TIE1: variants seen among roughly 807,000 people sequenced by gnomAD.
The protein encoded by TIE1 is tyrosine kinase with immunoglobulin like and EGF like domains 1.
Under a neutral mutation model 130.5 loss-of-function variants are expected in TIE1, and 89 were observed. The ratio of observed to expected loss-of-function variants is 0.68; its 90% confidence interval spans 0.57 to 0.81. The LOEUF (loss-of-function observed/expected upper bound fraction) is 0.81, where lower values mean the gene tolerates loss of function less well. TIE1 is among the 40% of genes least tolerant of loss of function. The probability of loss-of-function intolerance (pLI) is 0.00; values close to 1 mark genes in which losing one functional copy is unlikely to be tolerated. For missense variants in TIE1, 1,392 were observed against 1,559.8 expected, an observed-to-expected ratio of 0.89 and a Z score of 1.81; for synonymous variants, 568 against 629.4, an observed-to-expected ratio of 0.90 and a Z score of 1.46.
chr1:43,301,596 G>A (rs1646670574), intron 1 of TIE1, among the ~76,000 whole-genome samples: 1 of 152,236 alleles, frequency 6.6e-6, no homozygotes, highest in South Asian at 2.1e-4. Flanking sequence ...AATTTGCCGG[G>A]TGTGGTGGCT....
chr1:43,309,495 C>A lies in TIE1; in HGVS notation c.1296C>A (p.Gly432=). The A allele has an allele frequency of 6.2e-7, 1 of 1,602,544 alleles. No homozygotes were observed. The highest frequency in any genetic ancestry group is 8.5e-7 in the Non-Finnish European group (1 of 1,176,074). ...GGGAGTGCCGTGTGTCCACATCTGG[C>A]GGCCAAGACAGCCGGCGCTTCAAGG... is the stretch of plus-strand genomic sequence containing the variant. ...GFWECRVSTS[G]GQDSRRFKVN... The change falls in exon 9 of 23, where the codon GGC becomes GGA. Residue 432 remains glycine (G), a synonymous_variant. Transcript: ENST00000372476. This position sits in a 1 kb window ranked among gnomAD's most constrained non-coding sequence, Gnocchi z 6.3.
chr1:43,318,186 T>A lies in TIE1; in HGVS notation c.2922+114T>A. The A allele has an allele frequency of 7.5e-7, 1 of 1,336,028 alleles. No homozygotes were observed. Among genetic ancestry groups the A allele is most frequent in the Non-Finnish European group, 1.0e-6 (1 of 999,924 alleles). 82.8% of individuals were successfully genotyped at this position (1,336,028 alleles called of 1,614,324 possible). A position where few individuals can be genotyped will look rare whatever the true frequency, so the allele number is the denominator to read the frequency against. On this transcript the variant is annotated intron_variant, in intron 17 of 22. Transcript: ENST00000372476. The surrounding 1 kb of genome is among the most constrained non-coding windows in gnomAD (Gnocchi z 4.4). ...TGGGGATTGAGGTTCCTGGCCCAAG[T>A]GTGTGGGTGGGTGCAAGCACAGCGA...
Position 43,311,710 on chromosome 1 carries a change from A to C in TIE1, c.1373A>C (p.Lys458Thr). The change falls in exon 10 of 23, where the codon AAG (lysine) becomes ACG (threonine). Residue 458 changes from lysine to threonine, a missense_variant. Physicochemically the swap from Lys to Thr is moderately conservative, Grantham distance 78. Coordinates refer to ENST00000372476, the MANE Select transcript of TIE1 (RefSeq NM_005424.5). ...CTGGCTGCACCTCGGCTCCTGACCAAGCAGAGCCGCCAGCTTGTGGTCTCC... is the reference window on the plus strand; with the variant it reads ...CTGGCTGCACCTCGGCTCCTGACCACGCAGAGCCGCCAGCTTGTGGTCTCC... Reference protein sequence around the residue: ...VPLAAPRLLTKQSRQLVVSPL... With the variant: ...VPLAAPRLLTTQSRQLVVSPL... The C allele has an allele frequency of 6.2e-7, 1 of 1,613,980 alleles. No individual in the cohort carries two copies. The highest frequency in any genetic ancestry group is 1.1e-5 in the South Asian group (1 of 91,068).
chr1:43,321,537 G>T, intron 21 of TIE1, 45 bp downstream of exon 21: 1 of 1,575,966 alleles, frequency 6.3e-7, no homozygotes, highest in East Asian at 2.3e-5. Flanking sequence ...TCTCTGTGAT[G>T]AGTGACCTCA....
rs977176452 is a variant in TIE1, at chr1:43,319,086, T to A, written c.2923-149T>A. 4.7e-6 allele frequency: 3 copies of A among 632,296 alleles called. No homozygotes were observed. The highest frequency in any genetic ancestry group is 8.6e-6 in the Non-Finnish European group (3 of 349,712). 39.2% of individuals were successfully genotyped at this position (632,296 alleles called of 1,614,324 possible). On this transcript the variant is annotated intron_variant, in intron 17 of 22. Coordinates refer to ENST00000372476, the MANE Select transcript of TIE1 (RefSeq NM_005424.5). This position sits in a 1 kb window ranked among gnomAD's most constrained non-coding sequence, Gnocchi z 4.7. ...AGCCAACACTGATCTTTCTCAGATA[T>A]GAGTCAGCTGACGAGATTGCAGCCA...
rs956499426 is a variant in TIE1 at position 43,318,085 on chromosome 1, G to C, written c.2922+13G>C. On this transcript the variant is annotated intron_variant, in intron 17 of 22. Coordinates refer to ENST00000372476, the MANE Select transcript of TIE1 (RefSeq NM_005424.5). This position sits in a 1 kb window ranked among gnomAD's most constrained non-coding sequence, Gnocchi z 4.4. ...GAGTGAGAAGCAGGTGTGTGTGAGT[G>C]GGGGCGGGTGGAGGCCAGAGGGGGA... is the stretch of plus-strand genomic sequence containing the variant. 6.6e-7 allele frequency: 1 copy of C among 1,525,554 alleles called. No individual in the cohort carries two copies. The highest frequency in any genetic ancestry group is 1.4e-5 in the African/African-American group (1 of 72,166). The allele number at this position is 1,525,554 out of a possible 1,614,324, so 94.5% of individuals were successfully genotyped here.
At position 43,319,153 on chromosome 1, in the gene TIE1, C is replaced by A; in HGVS notation, c.2923-82C>A. ...GGGTATTGAAGGTAACAAGGGTACC[C>A]ACGAAGACTGACTCCTTACTGGCCT... is the stretch of plus-strand genomic sequence containing the variant. On this transcript the variant is annotated intron_variant, in intron 17 of 22. Transcript: ENST00000372476. The surrounding 1 kb of genome is among the most constrained non-coding windows in gnomAD (Gnocchi z 4.7). The A allele has an allele frequency of 1.0e-6, 1 of 981,504 alleles. No homozygotes were observed. The highest frequency in any genetic ancestry group is 1.6e-6 in the Non-Finnish European group (1 of 606,942). 60.8% of individuals were successfully genotyped at this position (981,504 alleles called of 1,614,324 possible).
At position 43,321,414 on chromosome 1, in the gene TIE1, G is replaced by A; in HGVS notation, c.3167G>A (p.Gly1056Asp). 6.2e-7 allele frequency: 1 copy of A among 1,614,014 alleles called. No homozygotes were observed. Among genetic ancestry groups the A allele is most frequent in the Non-Finnish European group, 8.5e-7 (1 of 1,179,962 alleles). Residue 1056 changes from glycine to aspartate, a missense_variant, in exon 21 of 23, where the codon GGC becomes GAC. Gly to Asp is a moderately conservative substitution (Grantham distance 94, BLOSUM62 -1). Transcript: ENST00000372476. ...CCTGCAGGAGGTACACCCTACTGTG[G>A]CATGACCTGTGCCGAGCTCTATGAA... ...IVSLGGTPYC[G>D]MTCAELYEKL...
At position 43,318,039 on chromosome 1, in the gene TIE1, G is replaced by A. The variant is rs753080127; in HGVS notation, c.2889G>A (p.Ala963=). 10 of 1,577,548 alleles carry A rather than the reference G, an allele frequency of 6.3e-6. No individual in the cohort carries two copies. In the Admixed American group the frequency reaches 1.1e-4, roughly 17 times the overall value. The change falls in exon 17 of 23, where the codon GCG becomes GCA. Residue 963 remains alanine (A), a synonymous_variant. Coordinates refer to ENST00000372476, the MANE Select transcript of TIE1 (RefSeq NM_005424.5). This position sits in a 1 kb window ranked among gnomAD's most constrained non-coding sequence, Gnocchi z 4.4. ...AGCTGCTGCGTTTCGCCAGTGATGC[G>A]GCCAATGGCATGCAGTACCTGAGTG... ...SRQLLRFASD[A]ANGMQYLSEK...
At chr1:43,308,091 G>C (rs1646749451) in intron 7 of TIE1, among the ~76,000 whole-genome samples, 167 bp downstream of exon 7, 1 of 152,192 alleles carries the variant, frequency 6.6e-6, no homozygotes, top group African/African-American at 2.4e-5. Context: ...GAGTCAGTCT[G>C]GTAGGGAGTC....
rs774018860 is a variant in TIE1, at chr1:43,316,296, G to A, written c.2410-903G>A. Among the ~76,000 whole-genome samples the A allele has an allele frequency of 2.0e-5, 3 of 152,152 alleles. No homozygotes were observed. The highest frequency in any genetic ancestry group is 4.4e-5 in the Non-Finnish European group (3 of 68,038). ...ATATGGTGCTGCCCAAGAACATCAC[G>A]TGCATTTGCTATGTGCCGTCAGCAC... is the stretch of plus-strand genomic sequence containing the variant. On this transcript the variant is annotated intron_variant, in intron 14 of 22. Transcript: ENST00000372476. This position sits in a 1 kb window ranked among gnomAD's most constrained non-coding sequence, Gnocchi z 4.4.
Position 43,312,309 on chromosome 1 carries a change from T to C in TIE1, c.1635T>C (p.Pro545=). The stretch of plus-strand genomic sequence containing the variant: ...ACCCCTGACCTCTGGCCCCAGAGCC[T>C]TTGTTGCAGCCGTGGTTGGAGGGCT... ...PTLMTTDCPE[P]LLQPWLEGWH... is the part of the protein sequence containing the mutation. Residue 545 remains proline (P), a synonymous_variant, in exon 12 of 23, where the codon CCT becomes CCC. Transcript: ENST00000372476. The surrounding 1 kb of genome is among the most constrained non-coding windows in gnomAD (Gnocchi z 5.6). 6.5e-7 allele frequency: 1 copy of C among 1,548,118 alleles called. No homozygotes were observed. The highest frequency in any genetic ancestry group is 8.7e-7 in the Non-Finnish European group (1 of 1,145,014).
chr1:43,321,572 C>T (rs1646920189), intron 21 of TIE1, 44 bp from the exon 22 acceptor site: 5 of 1,554,142 alleles, frequency 3.2e-6, no homozygotes, highest in African/African-American at 2.7e-5. Context: ...GACCCCATCA[C>T]CCCAGCTGGC....
rs777262522 is a variant in TIE1, at chr1:43,305,036, C to T, written c.244C>T (p.Arg82Cys). The change falls in exon 2 of 23, where the codon CGC (arginine) becomes TGC (cysteine). Residue 82 changes from arginine (R) to cysteine (C), a missense_variant. Transcript: ENST00000372476. The part of the protein sequence containing the change: ...TPPGPPLRLA[R>C]NGSHQVTLRG... ...GCCCGGGCCACCCCTGCGCCTGGCGCGCAACGGTTCGCACCAGGTCACGCT... is the reference window on the plus strand; with the variant it reads ...GCCCGGGCCACCCCTGCGCCTGGCGTGCAACGGTTCGCACCAGGTCACGCT... 23 of 1,590,834 alleles carry T rather than the reference C, an allele frequency of 1.4e-5. No homozygotes were observed. The highest frequency in any genetic ancestry group is 1.4e-4 in the Admixed American group (8 of 57,994).
rs1371953595 is a variant in TIE1 at position 43,319,457 on chromosome 1, AG to A, written c.3039del. 1.2e-6 allele frequency: 2 copies of A among 1,613,946 alleles called. No individual in the cohort carries two copies. Among genetic ancestry groups the A allele is most frequent in the Non-Finnish European group, 1.7e-6 (2 of 1,179,986 alleles). ...CAGCCCCTCAAACCCATTCTCTCCT[AG>A]GGGCGTCTCCCTGTGCGCTGGATGG... On this transcript the variant is annotated splice_acceptor_variant, in intron 18 of 22. Transcript: ENST00000372476. LOFTEE classifies it high-confidence loss of function. The surrounding 1 kb of genome is among the most constrained non-coding windows in gnomAD (Gnocchi z 4.7).
Position 43,317,278 on chromosome 1 carries a change from G to A in TIE1, c.2489G>A (p.Ser830Asn), listed in dbSNP as rs753821168. 6.2e-7 allele frequency: 1 copy of A among 1,614,210 alleles called. No homozygotes were observed. The highest frequency in any genetic ancestry group is 1.1e-5 in the South Asian group (1 of 91,092). Residue 830 changes from serine (S) to asparagine (N), a missense_variant, in exon 15 of 23, where the codon AGC (serine) becomes AAC (asparagine). Around this residue, in one of 6 missense-constraint regions of TIE1, gnomAD observed 286 missense variants for 354.4 expected, o/e 0.81. Coordinates refer to ENST00000372476, the MANE Select transcript of TIE1 (RefSeq NM_005424.5). The surrounding 1 kb of genome is among the most constrained non-coding windows in gnomAD (Gnocchi z 5.1). ...RRPKLQPEPL[S>N]YPVLEWEDIT... ...CCAAAACTGCAGCCCGAGCCCCTGA[G>A]CTACCCAGTGCTAGAGTGGGAGGAC... is the stretch of plus-strand genomic sequence containing the variant.
At chr1:43,301,582 G>T (rs1222434228) in intron 1 of TIE1, among the ~76,000 whole-genome samples, 4 of 152,170 alleles carry the variant, frequency 2.6e-5, no homozygotes, top group Non-Finnish European at 5.9e-5. Context: ...GGTTAAGATG[G>T]CAAAATTTGC....
In TIE1 at chr1:43,319,501, TAC is replaced by T; in HGVS notation, c.3081_3082del (p.Tyr1027Ter). ...VRWMAIESLN[Y>X]SVYTTKSDVW... is the part of the protein sequence containing the mutation. ...CTGGATGGCCATTGAGTCCCTGAAC[TAC>T]AGTGTCTATACCACCAAGAGTGATG... On this transcript the variant is annotated frameshift_variant, in exon 19 of 23. Transcript: ENST00000372476. LOFTEE classifies it high-confidence loss of function. The surrounding 1 kb of genome is among the most constrained non-coding windows in gnomAD (Gnocchi z 4.7). 1.2e-6 allele frequency: 2 copies of T among 1,614,022 alleles called. No homozygotes were observed. The highest frequency in any genetic ancestry group is 1.7e-6 in the Non-Finnish European group (2 of 1,179,980).
Position 43,312,887 on chromosome 1 carries a change from C to T in TIE1, c.1928-248C>T, listed in dbSNP as rs542789401. ...ATGGGAGGGCATGAGACTTGCGGAA[C>T]ACAGGGCATGGGCGGATGTGGAGAG... On this transcript the variant is annotated intron_variant, in intron 12 of 22. Transcript: ENST00000372476. The surrounding 1 kb of genome is among the most constrained non-coding windows in gnomAD (Gnocchi z 5.6). 1.8e-4 allele frequency among the ~76,000 whole-genome samples: 28 copies of T among 152,124 alleles called. No homozygotes were observed. Among genetic ancestry groups the T allele is most frequent in the African/African-American group, 6.8e-4 (28 of 41,480 alleles).
Sources: gnomAD v4.1 joint callset for allele counts (sites outside exome capture counted in the v4.1 genomes callset) on GRCh38, gnomAD v4.1.1 for gene constraint, gnomAD v4.1.1 regional missense constraint, Gnocchi (gnomAD v3.1) non-coding constraint, MANE v1.5 for transcripts, NCBI Gene and HGNC (gene_info 2026-07-23, HGNC 2026-07-21) for gene names.